Variants in ARHGAP35 observed in about 807,000 individuals in gnomAD.
ARHGAP35 encodes the protein rho GTPase-activating protein 35.
ARHGAP35 carries 15 observed loss-of-function variants against 111.1 expected under a neutral mutation model. The observed-to-expected ratio is 0.13, with a 90% CI of 0.09 to 0.21. The LOEUF (loss-of-function observed/expected upper bound fraction) is 0.21, where lower values mean the gene tolerates loss of function less well. Ranked by LOEUF, ARHGAP35 falls within the 10% of genes least tolerant of loss-of-function variation. The pLI, the probability that ARHGAP35 is intolerant of heterozygous loss-of-function variation, is 1.00. For missense variants in ARHGAP35, 1,262 were observed against 1,873.0 expected (o/e 0.67, Z 6.02); for synonymous variants, 643 against 710.3 (o/e 0.91, Z 1.51).
rs551494737 is a variant in ARHGAP35, at chr19:46,928,173, G to A, written c.3681+5817G>A. Among the ~76,000 whole-genome samples the A allele has an allele frequency of 1.2e-4, 19 of 152,136 alleles. No individual in the cohort carries two copies. The East Asian group carries it at 2.7e-3, about 22-fold the overall frequency. Reference sequence around the variant, plus strand: ...GAAGAACTTCTGTAGTGTGTTTTTGGTGATAAAAATAGACTATCTTTAACT... The same window carrying A: ...GAAGAACTTCTGTAGTGTGTTTTTGATGATAAAAATAGACTATCTTTAACT... On this transcript the variant is annotated intron_variant, in intron 2 of 6. Transcript: ENST00000672722.
intron 1 of ARHGAP35, among the ~76,000 whole-genome samples, chr19:46,879,587 A>AAAATACATAAATAAATAAAT (rs1555754353): frequency 2.3e-5 from 2 of 87,678 alleles, no homozygotes; most frequent in African/African-American, 8.7e-5. Flanking sequence ...ACTCCATCTC[A>AAAATACATAAATAAATAAAT]AAATAAATAA....
At chr19:46,916,327 T>C (rs1317059991) in intron 1 of ARHGAP35, among the ~76,000 whole-genome samples, 1 of 148,830 alleles carries the variant, frequency 6.7e-6, no homozygotes, top group Non-Finnish European at 1.5e-5. Context: ...TTTGTTCCAG[T>C]TGGTTCTCCC....
intron 2 of ARHGAP35, among the ~76,000 whole-genome samples, chr19:46,933,750 A>C (rs2056287452): frequency 6.6e-6 from 1 of 152,126 alleles, no homozygotes; most frequent in Non-Finnish European, 1.5e-5. Flanking sequence ...GAGCCCAGGA[A>C]GCTGTGGTTG....
intron 3 of ARHGAP35, among the ~76,000 whole-genome samples, chr19:46,976,615 T>C (rs1164092865): frequency 2.0e-5 from 3 of 152,208 alleles, no homozygotes; most frequent in East Asian, 1.9e-4. Flanking sequence ...TTCTCCATGG[T>C]GGGGAGCTCG....
intron 1 of ARHGAP35, among the ~76,000 whole-genome samples, chr19:46,892,157 G>A (rs1471657499): frequency 2.8e-5 from 4 of 145,226 alleles, no homozygotes; most frequent in Non-Finnish European, 6.0e-5. Context: ...AGAAAAATTA[G>A]CCAGGCCTGG....
rs1376790666 is a variant in ARHGAP35 at position 46,993,279 on chromosome 19, C to T, written c.4036+3604C>T. On this transcript the variant is annotated intron_variant, in intron 5 of 6. Coordinates refer to ENST00000672722, the MANE Select transcript of ARHGAP35 (RefSeq NM_004491.5). This position sits in a 1 kb window ranked among gnomAD's most constrained non-coding sequence, Gnocchi z 4.6. ...TGCGTGATCACTGAAGGGCTGTGAC[C>T]TTGAGCCGGGCTTTCCCTTTCCTGG... Among the ~76,000 whole-genome samples the T allele has an allele frequency of 6.6e-6, 1 of 152,238 alleles. No individual in the cohort carries two copies. Among genetic ancestry groups the T allele is most frequent in the Non-Finnish European group, 1.5e-5 (1 of 68,044 alleles).
rs1599820519 is a variant in ARHGAP35, at chr19:46,922,315, C to T, written c.3640C>T (p.Arg1214Trp). 1.2e-6 allele frequency: 2 copies of T among 1,611,724 alleles called. No homozygotes were observed. The highest frequency in any genetic ancestry group is 1.7e-6 in the Non-Finnish European group (2 of 1,178,890). Reference protein sequence around the residue: ...VIPYETDEDPRRRNILRSLRR... With the variant: ...VIPYETDEDPWRRNILRSLRR... ...TCCATACGAAACAGACGAAGACCCGCGGAGGAGGAATATTCTTCGCAGCCT... is the reference window on the plus strand; with the variant it reads ...TCCATACGAAACAGACGAAGACCCGTGGAGGAGGAATATTCTTCGCAGCCT... Residue 1214 changes from arginine (R) to tryptophan (W), a missense_variant, in exon 2 of 7, where the codon CGG becomes TGG. Physicochemically the swap from Arg to Trp is moderately radical, Grantham distance 101 (BLOSUM62 -3). Transcript: ENST00000672722. This position sits in a 1 kb window ranked among gnomAD's most constrained non-coding sequence, Gnocchi z 4.0.
chr19:46,896,144 C>T (rs1303881927), intron 1 of ARHGAP35, among the ~76,000 whole-genome samples: 3 of 152,084 alleles, frequency 2.0e-5, no homozygotes, highest in Admixed American at 2.0e-4. Flanking sequence ...TGGCTCACAC[C>T]TGTAATCCCA....
intron 5 of ARHGAP35, among the ~76,000 whole-genome samples, chr19:46,990,331 G>A (rs149482516): frequency 1.3e-5 from 2 of 152,342 alleles, no homozygotes; most frequent in African/African-American, 4.8e-5. Flanking sequence ...TCTCTGTAGA[G>A]GTGTTTGTCC....
At chr19:46,923,606 C>A (rs926063963) in intron 2 of ARHGAP35, among the ~76,000 whole-genome samples, 1 of 151,384 alleles carries the variant, frequency 6.6e-6, no homozygotes, top group African/African-American at 2.4e-5. Flanking sequence ...ATTGCCAAGG[C>A]TGATTTAGAA....
At chr19:46,907,628 A>C (rs946423732) in intron 1 of ARHGAP35, among the ~76,000 whole-genome samples, 4 of 149,764 alleles carry the variant, frequency 2.7e-5, no homozygotes, top group Non-Finnish European at 5.9e-5. Context: ...ACAGGCGCCC[A>C]CCACTATGAC....
At chr19:46,979,002 CGTGT>C (rs368983726) in intron 3 of ARHGAP35, among the ~76,000 whole-genome samples, 3 of 40,076 alleles carry the variant, frequency 7.5e-5, no homozygotes, top group East Asian at 7.6e-4. Context: ...TGTGGTGGGA[CGTGT>C]GTGTGTGTGT....
intron 3 of ARHGAP35, among the ~76,000 whole-genome samples, chr19:46,984,090 G>A (rs186046125): frequency 1.3e-5 from 2 of 152,278 alleles, no homozygotes; most frequent in East Asian, 1.9e-4. Flanking sequence ...AGTAGGGAGG[G>A]CTTTTAAAAA....
At chr19:46,978,729 G>GT (rs2056598061) in intron 3 of ARHGAP35, among the ~76,000 whole-genome samples, 1 of 140,468 alleles carries the variant, frequency 7.1e-6, no homozygotes. Context: ...ATGTGTGTGT[G>GT]GTGGAGTCTG....
At chr19:46,928,349 G>C (rs554274543) in intron 2 of ARHGAP35, among the ~76,000 whole-genome samples, 60 of 152,292 alleles carry the variant, frequency 3.9e-4, no homozygotes, top group African/African-American at 1.3e-3. Context: ...TACCTTTGTA[G>C]GGACTCAAAT....
intron 1 of ARHGAP35, among the ~76,000 whole-genome samples, chr19:46,889,364 C>A (rs1256611170): frequency 6.6e-6 from 1 of 151,938 alleles, no homozygotes; most frequent in Non-Finnish European, 1.5e-5. Context: ...GAGGCTGAGG[C>A]AGGAGAATCC....
At chr19:46,903,499 G>A (rs2056091426) in intron 1 of ARHGAP35, among the ~76,000 whole-genome samples, 2 of 152,166 alleles carry the variant, frequency 1.3e-5, no homozygotes, top group Non-Finnish European at 1.5e-5. Flanking sequence ...AACTGAGAAA[G>A]GTATGTTGTT....
chr19:46,959,318 G>T (rs571843914), intron 3 of ARHGAP35, among the ~76,000 whole-genome samples: 69 of 151,954 alleles, frequency 4.5e-4, no homozygotes, highest in South Asian at 1.2e-3. Context: ...GCCTCCCAAA[G>T]TGCTGGGATT....
intron 3 of ARHGAP35, among the ~76,000 whole-genome samples, 190 bp downstream of exon 3, chr19:46,937,598 G>A (rs899742920): frequency 1.3e-5 from 2 of 152,142 alleles, no homozygotes; most frequent in African/African-American, 2.4e-5. Flanking sequence ...TGAGGCTGTC[G>A]TTGGGCATTT....
Sources: allele counts gnomAD v4.1 joint callset (sites outside exome capture counted in the v4.1 genomes callset), GRCh38; gene constraint gnomAD v4.1.1; non-coding constraint Gnocchi (gnomAD v3.1); transcripts MANE v1.5; gene names NCBI Gene and HGNC (gene_info 2026-07-23, HGNC 2026-07-21).